The following CWF19L1 variants were observed in gnomAD, a reference collection of about 807,000 sequenced individuals.
CWF19L1 encodes the protein CWF19 like cell cycle control factor 1.
Under a neutral mutation model 69.7 loss-of-function variants are expected in CWF19L1, and 60 were observed. The ratio of observed to expected loss-of-function variants is 0.86; its 90% CI spans 0.70 to 1.07. The LOEUF (loss-of-function observed/expected upper bound fraction) is 1.07, where lower values mean the gene tolerates loss of function less well. Ranked by LOEUF, CWF19L1 falls within the 50% of genes least tolerant of loss-of-function variation. CWF19L1 has a pLI of 0.00. For synonymous variants in CWF19L1, 209 were observed against 222.2 expected (o/e 0.94, Z 0.53); for missense variants, 591 against 638.9 (o/e 0.92, Z 0.81).
At position 100,233,134 on chromosome 10, in the gene CWF19L1, C is replaced by A; in HGVS notation, c.*93G>T. The A allele has an allele frequency of 7.6e-7, 1 of 1,308,020 alleles. No homozygotes were observed. Among genetic ancestry groups the A allele is most frequent in the Non-Finnish European group, 1.0e-6 (1 of 973,082 alleles). 81.0% of individuals were successfully genotyped at this position (1,308,020 alleles called of 1,614,324 possible). The stretch of plus-strand genomic sequence containing the variant: ...CTGCAATCCTGCTTGGGTGACAGAG[C>A]GAGACTTTGTCTCAAAAAAAATTCT... On this transcript the variant is annotated 3_prime_UTR_variant, in exon 14 of 14. Transcript: ENST00000354105.
Position 100,250,484 on chromosome 10 carries a change from C to T in CWF19L1, c.624-152G>A, listed in dbSNP as rs571014862. 27 of 611,512 alleles carry T rather than the reference C, an allele frequency of 4.4e-5. 1 individual carries two copies. The highest frequency in any genetic ancestry group is 4.3e-4 in the Admixed American group (15 of 34,686). The allele number at this position is 611,512 out of a possible 1,614,324, so 37.9% of individuals were successfully genotyped here. Reference sequence around the variant, plus strand: ...GATTTCAGATAAGTTACTATCTATCCGTCTAATAGGGCAACAATCCCTACC... The same window carrying T: ...GATTTCAGATAAGTTACTATCTATCTGTCTAATAGGGCAACAATCCCTACC... On this transcript the variant is annotated intron_variant, in intron 6 of 13. Transcript: ENST00000354105.
chr10:100,245,261 T>G (rs1479222929), intron 9 of CWF19L1, among the ~76,000 whole-genome samples: 1 of 152,106 alleles, frequency 6.6e-6, no homozygotes, highest in Non-Finnish European at 1.5e-5. Context: ...GAACTTGTGA[T>G]CCGCCTGGCT....
At chr10:100,251,420 G>A (rs991180798) in intron 6 of CWF19L1, among the ~76,000 whole-genome samples, 1 of 151,870 alleles carries the variant, frequency 6.6e-6, no homozygotes, top group Non-Finnish European at 1.5e-5. Flanking sequence ...CATCCTAGTG[G>A]GTATGAAGTG....
At chr10:100,261,732 G>A (rs529518364) in intron 2 of CWF19L1, among the ~76,000 whole-genome samples, 22 of 152,246 alleles carry the variant, frequency 1.4e-4, no homozygotes, top group African/African-American at 4.6e-4. Flanking sequence ...TTGCTAGTCT[G>A]TTTTCAGTTT....
intron 1 of CWF19L1, among the ~76,000 whole-genome samples, chr10:100,264,409 G>GT (rs1045515274): frequency 1.3e-5 from 2 of 152,056 alleles, no homozygotes; most frequent in African/African-American, 4.8e-5. Context: ...GCCGGGCGTG[G>GT]TGGCGGGCGC....
At position 100,267,595 on chromosome 10, in the gene CWF19L1, T is replaced by C. The variant is rs2134336120; in HGVS notation, c.-2A>G. ...CAGGCGCAGCGGTTTCTGTGCCATC[T>C]GTCCGAATAGTATGGGTTGCGACTG... On this transcript the variant is annotated 5_prime_UTR_variant, in exon 1 of 14. Coordinates refer to ENST00000354105, the MANE Select transcript of CWF19L1 (RefSeq NM_018294.6). 1 of 1,614,220 alleles carries C rather than the reference T, an allele frequency of 6.2e-7. No homozygotes were observed. Among genetic ancestry groups the C allele is most frequent in the Non-Finnish European group, 8.5e-7 (1 of 1,180,038 alleles).
At chr10:100,267,147 C>CA (rs56827592) in intron 1 of CWF19L1, among the ~76,000 whole-genome samples, 816 of 30,778 alleles carry the variant, frequency 0.027, 47 homozygotes, top group East Asian at 0.21. Flanking sequence ...CTCCTCCTCG[C>CA]AAAAAAAAAA....
intron 1 of CWF19L1, among the ~76,000 whole-genome samples, chr10:100,265,953 A>G (rs1420485827): frequency 6.6e-6 from 1 of 152,190 alleles, no homozygotes; most frequent in Non-Finnish European, 1.5e-5. Flanking sequence ...AGGAAGCCAT[A>G]CCATCTAGGT....
intron 10 of CWF19L1, among the ~76,000 whole-genome samples, chr10:100,241,091 T>C (rs1846625536): frequency 7.9e-6 from 1 of 127,176 alleles, no homozygotes; most frequent in Non-Finnish European, 1.6e-5. Context: ...GCCTGCAACC[T>C]CCACCTCCCA....
Position 100,250,320 on chromosome 10 carries a change from A to G in CWF19L1, c.636T>C (p.Ile212=), listed in dbSNP as rs1450806790. 7 of 1,608,790 alleles carry G rather than the reference A, an allele frequency of 4.4e-6. No homozygotes were observed. Among genetic ancestry groups the G allele is most frequent in the South Asian group, 1.1e-5 (1 of 90,964 alleles). The change falls in exon 7 of 14, where the codon ATT becomes ATC. Residue 212 remains isoleucine, a synonymous_variant. Transcript: ENST00000354105. ...TGGCATGCTGTGCATTTTCCTGTAGAATGATATGGTTTCTACAACATATTT... is the reference window on the plus strand; with the variant it reads ...TGGCATGCTGTGCATTTTCCTGTAGGATGATATGGTTTCTACAACATATTT... The part of the protein sequence containing the change: ...YERLPYRNHI[I]LQENAQHATR...
intron 1 of CWF19L1, among the ~76,000 whole-genome samples, chr10:100,262,752 T>C (rs1338733280): frequency 6.6e-6 from 1 of 152,198 alleles, no homozygotes; most frequent in African/African-American, 2.4e-5. Flanking sequence ...TGGCCCTACG[T>C]TGTGAAGTGA....
intron 13 of CWF19L1, among the ~76,000 whole-genome samples, chr10:100,233,599 G>A (rs371320488): frequency 1.3e-4 from 20 of 152,192 alleles, no homozygotes; most frequent in African/African-American, 4.3e-4. Flanking sequence ...AAAAAACTTG[G>A]AACTATATTA....
At chr10:100,253,678 A>G (rs533513519) in intron 5 of CWF19L1, 139 bp from the exon 6 acceptor site, 4 of 568,422 alleles carry the variant, frequency 7.0e-6, no homozygotes, top group African/African-American at 3.8e-5. Flanking sequence ...ATTGAATTTC[A>G]TAAGTATGGC....
chr10:100,253,285 G>A (rs560167736), intron 6 of CWF19L1, 136 bp downstream of exon 6: 5 of 598,560 alleles, frequency 8.4e-6, no homozygotes, highest in Admixed American at 5.8e-5. Context: ...TGAATGACTT[G>A]AGAGTCACTT....
intron 4 of CWF19L1, among the ~76,000 whole-genome samples, chr10:100,260,010 T>TA (rs1209590006): frequency 5.9e-5 from 9 of 151,584 alleles, no homozygotes; most frequent in East Asian, 1.9e-4. Context: ...ACTAAAAATA[T>TA]AAAAAAAATT....
At position 100,233,139 on chromosome 10, in the gene CWF19L1, C is replaced by T; in HGVS notation, c.*88G>A. On this transcript the variant is annotated 3_prime_UTR_variant, in exon 14 of 14. Transcript: ENST00000354105. ...ATCCTGCTTGGGTGACAGAGCGAGA[C>T]TTTGTCTCAAAAAAAATTCTTTTAA... The T allele has an allele frequency of 7.3e-7, 1 of 1,368,674 alleles. No individual in the cohort carries two copies. The highest frequency in any genetic ancestry group is 9.8e-7 in the Non-Finnish European group (1 of 1,022,572). The allele number at this position is 1,368,674 out of a possible 1,614,324, so 84.8% of individuals were successfully genotyped here. A position where few individuals can be genotyped will look rare whatever the true frequency, so the allele number is the denominator to read the frequency against.
At chr10:100,252,042 A>G (rs1271538757) in intron 6 of CWF19L1, among the ~76,000 whole-genome samples, 1 of 152,190 alleles carries the variant, frequency 6.6e-6, no homozygotes, top group Non-Finnish European at 1.5e-5. Context: ...TTGCTCACTT[A>G]AATTTTTTTA....
intron 1 of CWF19L1, chr10:100,262,315 T>C: frequency 1.0e-6 from 1 of 985,434 alleles, no homozygotes; most frequent in Non-Finnish European, 1.2e-6. Flanking sequence ...CATTCCTAAG[T>C]TTTGTGGACA....
At position 100,260,975 on chromosome 10, in the gene CWF19L1, T is replaced by G. The variant is rs944621872; in HGVS notation, c.178A>C (p.Ile60Leu). The G allele has an allele frequency of 2.1e-5, 33 of 1,601,650 alleles. No homozygotes were observed. Among genetic ancestry groups the G allele is most frequent in the Non-Finnish European group, 2.7e-5 (32 of 1,171,612 alleles). Residue 60 changes from isoleucine (I) to leucine (L), a missense_variant, in exon 3 of 14, where the codon ATC becomes CTC. Physicochemically the swap from Ile to Leu is conservative, Grantham distance 5 (BLOSUM62 2). Coordinates refer to ENST00000354105, the MANE Select transcript of CWF19L1 (RefSeq NM_018294.6). ...AAAATAATTTCTATACCTTTCTTGATGCCAGTCTTATACTCCTCCCATTCA... is the reference window on the plus strand; with the variant it reads ...AAAATAATTTCTATACCTTTCTTGAGGCCAGTCTTATACTCCTCCCATTCA... ...DAEWEEYKTGIKKAPIQTYVL... is the reference protein window; with the variant it reads ...DAEWEEYKTGLKKAPIQTYVL...
Sources: allele counts gnomAD v4.1 joint callset (sites outside exome capture counted in the v4.1 genomes callset), GRCh38; gene constraint gnomAD v4.1.1; transcripts MANE v1.5; gene names NCBI Gene and HGNC (gene_info 2026-07-23, HGNC 2026-07-21).